Variants in HFM1 observed in about 807,000 individuals in gnomAD.
HFM1 encodes probable ATP-dependent DNA helicase HFM1.
A neutral mutation model predicts 192.1 loss-of-function variants in HFM1; 169 were observed. That is an observed-to-expected ratio of 0.88 (90% confidence interval 0.78 to 1.00). HFM1 has a LOEUF of 1.00. Ranked by LOEUF, HFM1 falls within the 50% of genes least tolerant of loss-of-function variation. The pLI is 0.00. For missense variants in HFM1, 1,661 were observed against 1,668.0 expected, an observed-to-expected ratio of 1.00 and a Z score of 0.07; for synonymous variants, 525 against 537.8, an observed-to-expected ratio of 0.98 and a Z score of 0.33.
intron 30 of HFM1, among the ~76,000 whole-genome samples, chr1:91,293,804 G>A (rs1241392418): frequency 2.0e-5 from 3 of 146,764 alleles, no homozygotes; most frequent in African/African-American, 7.5e-5. Context: ...CAACCCAAAT[G>A]TCCAACAATG....
chr1:91,292,857 A>G (rs938831530), intron 30 of HFM1, among the ~76,000 whole-genome samples: 7 of 152,162 alleles, frequency 4.6e-5, no homozygotes, highest in Non-Finnish European at 8.8e-5. Flanking sequence ...AAACAGAGAT[A>G]TAGATCAATG....
At chr1:91,264,267 A>C (rs1204025565) in intron 36 of HFM1, among the ~76,000 whole-genome samples, 1 of 151,656 alleles carries the variant, frequency 6.6e-6, no homozygotes, top group African/African-American at 2.4e-5. Flanking sequence ...CTAGCTCTGG[A>C]ATTCTATTAA....
In HFM1 at chr1:91,401,120, T is replaced by C. The variant is rs781268496; in HGVS notation, c.-27-11A>G. The stretch of plus-strand genomic sequence containing the variant: ...GACTTTGTCATAAATCTACAAAATA[T>C]GGAAAAAGTAGTTTATATTTTATTT... On this transcript the variant is annotated splice_polypyrimidine_tract_variant and intron_variant, in intron 1 of 38. Transcript: ENST00000370425. The C allele has an allele frequency of 1.8e-6, 2 of 1,133,102 alleles. No homozygotes were observed. The highest frequency in any genetic ancestry group is 1.4e-5 in the South Asian group (1 of 69,026). The allele number at this position is 1,133,102 out of a possible 1,614,324, so 70.2% of individuals were successfully genotyped here.
chr1:91,286,112 T>C (rs557334910), intron 30 of HFM1, among the ~76,000 whole-genome samples: 2 of 152,182 alleles, frequency 1.3e-5, no homozygotes, highest in African/African-American at 2.4e-5. Context: ...ATTATATATA[T>C]AGAGTTCAGT....
chr1:91,287,644 C>T (rs1412259004), intron 30 of HFM1, among the ~76,000 whole-genome samples: 1 of 152,168 alleles, frequency 6.6e-6, no homozygotes, highest in Non-Finnish European at 1.5e-5. Flanking sequence ...TCACCAGCAA[C>T]AGAACAAAGC....
At chr1:91,338,194 G>A (rs942356643) in intron 20 of HFM1, among the ~76,000 whole-genome samples, 32 of 152,186 alleles carry the variant, frequency 2.1e-4, no homozygotes, top group African/African-American at 6.5e-4. Context: ...AGAGAGAACT[G>A]CCTGGAGAAA....
chr1:91,280,104 T>C (rs1667327631), intron 30 of HFM1, among the ~76,000 whole-genome samples: 1 of 152,166 alleles, frequency 6.6e-6, no homozygotes. Flanking sequence ...CAATCCAAGA[T>C]TAAACAAATA....
At chr1:91,315,109 G>C (rs1651009467) in intron 28 of HFM1, among the ~76,000 whole-genome samples, 1 of 152,122 alleles carries the variant, frequency 6.6e-6, no homozygotes, top group African/African-American at 2.4e-5. Flanking sequence ...CATGATTAAG[G>C]TTTGGTTAAT....
Position 91,350,792 on chromosome 1 carries a change from A to T in HFM1, c.2152T>A (p.Trp718Arg). The T allele has an allele frequency of 6.2e-7, 1 of 1,611,034 alleles. No homozygotes were observed. The highest frequency in any genetic ancestry group is 8.5e-7 in the Non-Finnish European group (1 of 1,177,984). ...TITDVNIAVE[W>R]IRSTLLYIRA... ...ATATAAAGCAGAGTTGATCGTATCC[A>T]TTCCACAGCAATATTCACATCCGTG... Residue 718 changes from tryptophan to arginine, a missense_variant, in exon 18 of 39, where the codon TGG becomes AGG. Trp to Arg is a moderately radical substitution (Grantham distance 101, BLOSUM62 -3). Transcript: ENST00000370425.
intron 20 of HFM1, among the ~76,000 whole-genome samples, chr1:91,340,340 C>A (rs1655159124): frequency 1.3e-5 from 2 of 152,140 alleles, no homozygotes; most frequent in South Asian, 4.1e-4. Flanking sequence ...AAACTCCAAC[C>A]ATAAGTTTCA....
intron 13 of HFM1, among the ~76,000 whole-genome samples, chr1:91,370,878 A>G (rs1156931529): frequency 1.3e-5 from 2 of 152,306 alleles, no homozygotes; most frequent in Admixed American, 6.5e-5. Context: ...AAGCTGATAG[A>G]TAACTTCAGC....
intron 3 of HFM1, among the ~76,000 whole-genome samples, chr1:91,395,442 T>G (rs565053834): frequency 5.3e-5 from 8 of 152,128 alleles, no homozygotes; most frequent in Non-Finnish European, 1.2e-4. Context: ...GTGGGCACTA[T>G]TTTGTTTTTG....
At chr1:91,356,106 G>A (rs1035364597) in intron 13 of HFM1, among the ~76,000 whole-genome samples, 3 of 151,958 alleles carry the variant, frequency 2.0e-5, no homozygotes, top group Non-Finnish European at 4.4e-5. Flanking sequence ...CAAGTATGTG[G>A]AAACTAAACA....
rs528645351 is a variant in HFM1, at chr1:91,280,533, G to C, written c.3392-3471C>G. On this transcript the variant is annotated intron_variant, in intron 30 of 38. Transcript: ENST00000370425. ...GATCATCCTTAAAAATGGCAAGATA[G>C]GTAGTCTTGTGAGGAGCTATCAAAG... Among the ~76,000 whole-genome samples the C allele has an allele frequency of 3.3e-5, 5 of 152,296 alleles. No individual in the cohort carries two copies. In the South Asian group the frequency reaches 1.0e-3, roughly 32 times the overall value.
chr1:91,340,332 A>T (rs535021202), intron 20 of HFM1, among the ~76,000 whole-genome samples: 7 of 152,260 alleles, frequency 4.6e-5, no homozygotes, highest in African/African-American at 1.4e-4. Flanking sequence ...AAGAAAAGAA[A>T]CTCCAACCAT....
intron 13 of HFM1, among the ~76,000 whole-genome samples, chr1:91,373,918 C>T (rs1274871766): frequency 1.3e-5 from 2 of 151,892 alleles, no homozygotes; most frequent in Non-Finnish European, 2.9e-5. Flanking sequence ...CCCCTTTCCT[C>T]AAGAAGTTGA....
chr1:91,319,431 T>A, intron 23 of HFM1, 41 bp from the exon 24 acceptor site: 1 of 1,239,182 alleles, frequency 8.1e-7, no homozygotes, highest in Non-Finnish European at 1.2e-6. Context: ...TTTTAAGGGT[T>A]ATCTATCTCC....
chr1:91,401,116 A>T lies in HFM1; in HGVS notation c.-27-7T>A. 1 of 1,202,434 alleles carries T rather than the reference A, an allele frequency of 8.3e-7. No individual in the cohort carries two copies. The highest frequency in any genetic ancestry group is 1.2e-6 in the Non-Finnish European group (1 of 844,344). 74.5% of individuals were successfully genotyped at this position (1,202,434 alleles called of 1,614,324 possible). A position where few individuals can be genotyped will look rare whatever the true frequency, so the allele number is the denominator to read the frequency against. ...ACTGGACTTTGTCATAAATCTACAA[A>T]ATATGGAAAAAGTAGTTTATATTTT... On this transcript the variant is annotated splice_region_variant and splice_polypyrimidine_tract_variant and intron_variant, in intron 1 of 38. Coordinates refer to ENST00000370425, the MANE Select transcript of HFM1 (RefSeq NM_001017975.6).
At chr1:91,262,702 CA>C in intron 36 of HFM1, 110 bp from the exon 37 acceptor site, 1 of 656,034 alleles carries the variant, frequency 1.5e-6, no homozygotes. Flanking sequence ...ACATTTATCA[CA>C]AAAATGTAAT....
Sources: gnomAD v4.1 joint callset for allele counts (sites outside exome capture counted in the v4.1 genomes callset) on GRCh38, gnomAD v4.1.1 for gene constraint, MANE v1.5 for transcripts, NCBI Gene and HGNC (gene_info 2026-07-23, HGNC 2026-07-21) for gene names.